The following WWOX variants were observed in gnomAD, a reference collection of about 807,000 sequenced individuals.
WWOX encodes WW domain containing oxidoreductase.
WWOX carries 69 observed loss-of-function variants against 46.2 expected under a neutral mutation model. The observed-to-expected ratio is 1.49, with a 90% confidence interval of 1.23 to 1.82. The LOEUF (loss-of-function observed/expected upper bound fraction) is 1.82, where lower values mean the gene tolerates loss of function less well. Among genes scored for constraint, WWOX ranks in the 40% most tolerant of loss-of-function variants. The pLI is 0.00. For synonymous variants in WWOX, 359 were observed against 202.6 expected (o/e 1.77, Z -6.56); for missense variants, 919 against 542.6 (o/e 1.69, Z -6.89).
Position 78,201,930 on chromosome 16 carries a change from A to C in WWOX, c.516+37641A>C, listed in dbSNP as rs143825986. 3.0e-3 allele frequency among the ~76,000 whole-genome samples: 463 copies of C among 151,954 alleles called. 8 individuals carry two copies. The highest frequency in any genetic ancestry group is 0.011 in the African/African-American group (436 of 41,444). ...TGCCCAGGCTGGTCACGAACTCCTAAACTCAGGCAGTCCACCCGCCTCGGC... is the reference window on the plus strand; with the variant it reads ...TGCCCAGGCTGGTCACGAACTCCTACACTCAGGCAGTCCACCCGCCTCGGC... On this transcript the variant is annotated intron_variant, in intron 5 of 8. Transcript: ENST00000566780.
chr16:78,992,056 C>T (rs2151348608), intron 8 of WWOX, among the ~76,000 whole-genome samples: 1 of 152,264 alleles, frequency 6.6e-6, no homozygotes, highest in Middle Eastern at 3.4e-3. Flanking sequence ...CACATGCATG[C>T]ATTAATTCGT....
intron 5 of WWOX, among the ~76,000 whole-genome samples, chr16:78,237,916 T>C (rs769415383): frequency 5.9e-5 from 9 of 152,370 alleles, no homozygotes; most frequent in African/African-American, 2.2e-4. Context: ...CAGCATCTGA[T>C]GTCCAACAAC....
chr16:78,850,924 G>C (rs1322981909), intron 8 of WWOX, among the ~76,000 whole-genome samples: 2 of 152,224 alleles, frequency 1.3e-5, no homozygotes, highest in African/African-American at 4.8e-5. Flanking sequence ...TCATGAATAA[G>C]GAATCGGGAT....
chr16:79,118,211 A>T (rs2049557337), intron 8 of WWOX, among the ~76,000 whole-genome samples: 1 of 152,208 alleles, frequency 6.6e-6, no homozygotes, highest in African/African-American at 2.4e-5. Context: ...CCTAATTTCA[A>T]TACTGTTGTG....
intron 8 of WWOX, among the ~76,000 whole-genome samples, chr16:79,167,017 T>C (rs1292922122): frequency 1.3e-5 from 2 of 152,122 alleles, no homozygotes; most frequent in Non-Finnish European, 2.9e-5. Context: ...CTCTACTCTC[T>C]GCAACCTCCA....
chr16:78,655,472 C>T (rs1006630194), intron 8 of WWOX, among the ~76,000 whole-genome samples: 2 of 152,176 alleles, frequency 1.3e-5, no homozygotes, highest in Non-Finnish European at 2.9e-5. Context: ...TCTGAGTGTG[C>T]AGCCTTTTGT....
chr16:79,121,694 A>T (rs2049635095), intron 8 of WWOX, among the ~76,000 whole-genome samples: 1 of 152,162 alleles, frequency 6.6e-6, no homozygotes, highest in Non-Finnish European at 1.5e-5. Flanking sequence ...CTTTGGGAAG[A>T]GAAAAGAATC....
intron 5 of WWOX, among the ~76,000 whole-genome samples, chr16:78,284,457 TAC>T (rs2079735147): frequency 6.6e-6 from 1 of 152,232 alleles, no homozygotes; most frequent in African/African-American, 2.4e-5. Context: ...TTCCTAAACT[TAC>T]ATGTTAACAT....
At chr16:78,792,208 G>A (rs1233475183) in intron 8 of WWOX, among the ~76,000 whole-genome samples, 1 of 152,114 alleles carries the variant, frequency 6.6e-6, no homozygotes, top group Non-Finnish European at 1.5e-5. Flanking sequence ...GGTGACCTTG[G>A]CTAAGCTCCC....
At chr16:79,057,460 C>G (rs1242958365) in intron 8 of WWOX, among the ~76,000 whole-genome samples, 1 of 152,202 alleles carries the variant, frequency 6.6e-6, no homozygotes, top group Non-Finnish European at 1.5e-5. Context: ...CAGGCTCCTT[C>G]TCATTAGAGT....
At chr16:78,655,177 C>T (rs1162189227) in intron 8 of WWOX, among the ~76,000 whole-genome samples, 1 of 152,102 alleles carries the variant, frequency 6.6e-6, no homozygotes, top group Non-Finnish European at 1.5e-5. Flanking sequence ...CCCTAGGCTG[C>T]AGTCTGAGAG....
intron 8 of WWOX, among the ~76,000 whole-genome samples, chr16:78,832,579 C>T (rs74789475): frequency 0.013 from 1,912 of 152,248 alleles, 24 homozygotes; most frequent in Middle Eastern, 0.024. Flanking sequence ...TTCACTGGTT[C>T]GGCTATTGGC....
chr16:78,741,337 G>C (rs945816713), intron 8 of WWOX, among the ~76,000 whole-genome samples: 4 of 152,210 alleles, frequency 2.6e-5, no homozygotes, highest in East Asian at 1.9e-4. Context: ...AAGGTGGGCA[G>C]ATTACTTGAG....
chr16:78,668,319 C>T (rs2047380280), intron 8 of WWOX, among the ~76,000 whole-genome samples: 1 of 152,088 alleles, frequency 6.6e-6, no homozygotes, highest in Admixed American at 6.6e-5. Flanking sequence ...AACTCTCATA[C>T]CCCCACGCCT....
At chr16:79,172,572 A>C (rs902748962) in intron 8 of WWOX, among the ~76,000 whole-genome samples, 63 of 152,154 alleles carry the variant, frequency 4.1e-4, no homozygotes, top group African/African-American at 1.5e-3. Context: ...TCTGGGAAAG[A>C]ACCTGTGGAG....
chr16:79,056,373 C>T (rs1176375611), intron 8 of WWOX, among the ~76,000 whole-genome samples: 1 of 152,180 alleles, frequency 6.6e-6, no homozygotes, highest in South Asian at 2.1e-4. Context: ...GAGGAGTTAC[C>T]TTGGACCCAT....
intron 5 of WWOX, among the ~76,000 whole-genome samples, chr16:78,165,545 G>A (rs1417712232): frequency 6.6e-6 from 1 of 152,154 alleles, no homozygotes; most frequent in African/African-American, 2.4e-5. Flanking sequence ...GTCAGATGGG[G>A]TAGGGGAATG....
chr16:78,823,463 G>A (rs2151146873), intron 8 of WWOX, among the ~76,000 whole-genome samples: 1 of 152,304 alleles, frequency 6.6e-6, no homozygotes, highest in African/African-American at 2.4e-5. Context: ...TCACCTGAAT[G>A]TTCACCATGG....
At chr16:78,403,222 T>G (rs2151945070) in intron 6 of WWOX, among the ~76,000 whole-genome samples, 1 of 152,302 alleles carries the variant, frequency 6.6e-6, no homozygotes, top group African/African-American at 2.4e-5. Context: ...TGTTTGTAAG[T>G]TGTAAGTTGT....
Sources: allele counts gnomAD v4.1 joint callset (sites outside exome capture counted in the v4.1 genomes callset), GRCh38; gene constraint gnomAD v4.1.1; transcripts MANE v1.5; gene names NCBI Gene and HGNC (gene_info 2026-07-23, HGNC 2026-07-21).